The following KCNQ5 variants were observed in gnomAD, a reference collection of about 807,000 sequenced individuals.
KCNQ5 encodes potassium voltage-gated channel subfamily KQT member 5.
In KCNQ5, 30 loss-of-function variants were observed where a neutral mutation model predicts 98.2. That is an observed-to-expected ratio of 0.31 (90% CI 0.23 to 0.41). The LOEUF (loss-of-function observed/expected upper bound fraction) is 0.41, where lower values mean the gene tolerates loss of function less well. KCNQ5 is among the 10% of genes least tolerant of loss of function. The pLI is 1.00. For missense variants in KCNQ5, 835 were observed against 1,182.5 expected (o/e 0.71, Z 4.31); for synonymous variants, 458 against 449.4 (o/e 1.02, Z -0.24).
At position 73,196,514 on chromosome 6, in the gene KCNQ5, C is replaced by T. The variant is rs1364352768; in HGVS notation, c.*1100C>T. 6.6e-6 allele frequency: 1 copy of T among 152,194 alleles called. No individual in the cohort carries two copies. The highest frequency in any genetic ancestry group is 2.4e-5 in the African/African-American group (1 of 41,444). 9.4% of individuals were successfully genotyped at this position (152,194 alleles called of 1,614,324 possible). ...AGAAAATGAGTATTGCTAGGGAATT[C>T]AACTACCTAATCTTCCCTTATTCTT... On this transcript the variant is annotated 3_prime_UTR_variant, in exon 14 of 14. Transcript: ENST00000370398.
At chr6:72,637,925 T>G (rs1162414035) in intron 1 of KCNQ5, among the ~76,000 whole-genome samples, 1 of 152,194 alleles carries the variant, frequency 6.6e-6, no homozygotes, top group Non-Finnish European at 1.5e-5. Context: ...TCAAGTATTT[T>G]TCTCTAGAAG....
At chr6:72,712,066 G>A (rs1769397946) in intron 1 of KCNQ5, among the ~76,000 whole-genome samples, 1 of 152,146 alleles carries the variant, frequency 6.6e-6, no homozygotes, top group African/African-American at 2.4e-5. Flanking sequence ...TATCTGTTTT[G>A]TTCACTGATG....
chr6:72,959,167 G>A (rs1227776830), intron 1 of KCNQ5, among the ~76,000 whole-genome samples: 1 of 152,160 alleles, frequency 6.6e-6, no homozygotes. Context: ...TCAATAAGCA[G>A]AATAAAATGC....
intron 9 of KCNQ5, among the ~76,000 whole-genome samples, chr6:73,126,862 TC>T (rs1776007909): frequency 6.6e-6 from 1 of 152,158 alleles, no homozygotes; most frequent in Non-Finnish European, 1.5e-5. Flanking sequence ...AATAAATAAT[TC>T]TTGGATAGAG....
At chr6:73,131,672 A>C (rs915593947) in intron 9 of KCNQ5, among the ~76,000 whole-genome samples, 2 of 152,142 alleles carry the variant, frequency 1.3e-5, no homozygotes, top group Non-Finnish European at 2.9e-5. Flanking sequence ...TAAATAATTG[A>C]AGGCTTTGGG....
At chr6:72,935,312 C>G (rs932917128) in intron 1 of KCNQ5, among the ~76,000 whole-genome samples, 1 of 152,006 alleles carries the variant, frequency 6.6e-6, no homozygotes, top group Non-Finnish European at 1.5e-5. Flanking sequence ...CTCAGGTGAT[C>G]CACCCACCTC....
intron 5 of KCNQ5, among the ~76,000 whole-genome samples, chr6:73,102,055 G>A (rs60764744): frequency 0.07 from 10,686 of 151,976 alleles, 1,149 homozygotes; most frequent in African/African-American, 0.24. Context: ...AACATATACT[G>A]ACCAATGGGA....
chr6:73,146,965 C>T (rs1332653547), intron 10 of KCNQ5, among the ~76,000 whole-genome samples: 1 of 152,050 alleles, frequency 6.6e-6, no homozygotes, highest in Non-Finnish European at 1.5e-5. Context: ...TCTTTGTTTT[C>T]TATTGGGATA....
At chr6:73,140,913 T>C (rs1776677396) in intron 10 of KCNQ5, among the ~76,000 whole-genome samples, 1 of 152,202 alleles carries the variant, frequency 6.6e-6, no homozygotes, top group Admixed American at 6.5e-5. Context: ...CCTACTCCTC[T>C]GCTGTGTTTC....
intron 1 of KCNQ5, among the ~76,000 whole-genome samples, chr6:72,787,539 TAAA>T (rs11454848): frequency 6.8e-6 from 1 of 146,348 alleles, no homozygotes; most frequent in African/African-American, 2.5e-5. Flanking sequence ...TATCAGTATT[TAAA>T]AAAAAAAAAA....
intron 1 of KCNQ5, among the ~76,000 whole-genome samples, chr6:72,775,641 G>A (rs112665404): frequency 1.9e-4 from 29 of 152,200 alleles, no homozygotes; most frequent in African/African-American, 7.0e-4. Context: ...GATTGCGGTC[G>A]ACATCATCAC....
intron 11 of KCNQ5, among the ~76,000 whole-genome samples, chr6:73,173,895 A>T (rs1455351612): frequency 1.3e-5 from 2 of 152,094 alleles, no homozygotes; most frequent in African/African-American, 2.4e-5. Flanking sequence ...AATATAACAG[A>T]AATTGTATTT....
chr6:73,029,718 G>A (rs1414532326), intron 2 of KCNQ5, among the ~76,000 whole-genome samples: 2 of 151,608 alleles, frequency 1.3e-5, no homozygotes, highest in African/African-American at 2.4e-5. Context: ...TGGATCACGA[G>A]GTCAGGAGAT....
At chr6:72,837,121 C>T (rs1776538879) in intron 1 of KCNQ5, among the ~76,000 whole-genome samples, 2 of 152,158 alleles carry the variant, frequency 1.3e-5, no homozygotes, top group South Asian at 2.1e-4. Flanking sequence ...CTGGAGACCA[C>T]TATTACATCA....
chr6:73,197,713 A>G lies in KCNQ5; in HGVS notation c.*2299A>G, dbSNP rs897751346. ...TCTCTCCCATTATTAACAGAGGAAG[A>G]GGAGGGAGGCAGCAACTTTCAGGTA... On this transcript the variant is annotated 3_prime_UTR_variant, in exon 14 of 14. Coordinates refer to ENST00000370398, the MANE Select transcript of KCNQ5 (RefSeq NM_019842.4). 6.6e-6 allele frequency: 1 copy of G among 152,106 alleles called. No individual in the cohort carries two copies. Among genetic ancestry groups the G allele is most frequent in the African/African-American group, 2.4e-5 (1 of 41,356 alleles). 9.4% of individuals were successfully genotyped at this position (152,106 alleles called of 1,614,324 possible).
chr6:72,918,280 A>G (rs946517812), intron 1 of KCNQ5, among the ~76,000 whole-genome samples: 2 of 152,048 alleles, frequency 1.3e-5, no homozygotes, highest in African/African-American at 2.4e-5. Context: ...ACTCATGCCA[A>G]ATTTATTTAA....
intron 1 of KCNQ5, among the ~76,000 whole-genome samples, chr6:72,866,879 A>G (rs573630683): frequency 3.1e-4 from 47 of 152,320 alleles, no homozygotes; most frequent in African/African-American, 1.1e-3. Flanking sequence ...TAATTTGGAA[A>G]ACTACATGAA....
intron 3 of KCNQ5, chr6:73,055,496 A>C (rs1357849749): frequency 3.9e-6 from 6 of 1,548,744 alleles, no homozygotes; most frequent in Admixed American, 3.4e-5. Context: ...CAGCAACATC[A>C]GTAAGGATCA....
chr6:72,701,052 C>T (rs1241529300), intron 1 of KCNQ5, among the ~76,000 whole-genome samples: 3 of 152,184 alleles, frequency 2.0e-5, no homozygotes, highest in Non-Finnish European at 2.9e-5. Context: ...ACAAAATTTC[C>T]AGATGGGACT....
Sources: gnomAD v4.1 joint callset for allele counts (sites outside exome capture counted in the v4.1 genomes callset) on GRCh38, gnomAD v4.1.1 for gene constraint, MANE v1.5 for transcripts, NCBI Gene and HGNC (gene_info 2026-07-23, HGNC 2026-07-21) for gene names.